DNAH11: variants seen among roughly 807,000 people sequenced by gnomAD.
The protein encoded by DNAH11 is axonemal beta dynein heavy chain 11.
In DNAH11, 442 loss-of-function variants were observed where a neutral mutation model predicts 526.0. The observed-to-expected ratio is 0.84, with a 90% CI of 0.78 to 0.91. DNAH11 has a LOEUF of 0.91. DNAH11 is among the 40% of genes least tolerant of loss of function. The probability of loss-of-function intolerance (pLI) is 0.00; values close to 1 mark genes in which losing one functional copy is unlikely to be tolerated. For synonymous variants in DNAH11, 2,461 were observed against 1,935.9 expected (o/e 1.27, Z -7.12); for missense variants, 6,989 against 5,448.7 (o/e 1.28, Z -8.90).
intron 63 of DNAH11, among the ~76,000 whole-genome samples, chr7:21,815,923 C>T (rs932929709): frequency 6.6e-6 from 1 of 152,086 alleles, no homozygotes; most frequent in Non-Finnish European, 1.5e-5. Flanking sequence ...ATAATTTCCT[C>T]TCAGCCTAGA....
At chr7:21,800,623 T>C (rs1169323152) in intron 61 of DNAH11, among the ~76,000 whole-genome samples, 1 of 151,810 alleles carries the variant, frequency 6.6e-6, no homozygotes, top group Non-Finnish European at 1.5e-5. Flanking sequence ...AGAGCAATAC[T>C]CATTCCAAAA....
chr7:21,550,433 T>C (rs1782977661), intron 2 of DNAH11, among the ~76,000 whole-genome samples: 1 of 152,168 alleles, frequency 6.6e-6, no homozygotes. Context: ...GTTTCCATAG[T>C]AGGGAGATGT....
intron 28 of DNAH11, among the ~76,000 whole-genome samples, chr7:21,641,822 G>T (rs191470929): frequency 4.6e-5 from 7 of 152,114 alleles, no homozygotes; most frequent in Non-Finnish European, 1.0e-4. Flanking sequence ...TTAACTACGC[G>T]TTCTAAATCC....
chr7:21,796,808 A>C (rs58818794), intron 61 of DNAH11, among the ~76,000 whole-genome samples: 1,841 of 152,364 alleles, frequency 0.012, 41 homozygotes, highest in African/African-American at 0.041. Flanking sequence ...CTGAGACTTA[A>C]CGAACTGATC....
chr7:21,900,398 C>T (rs1245639456), intron 81 of DNAH11, among the ~76,000 whole-genome samples: 4 of 152,168 alleles, frequency 2.6e-5, no homozygotes. Context: ...ACTGAATTTA[C>T]ATTCTTTTTG....
At position 21,826,143 on chromosome 7, in the gene DNAH11, G is replaced by A. The variant is rs551838018; in HGVS notation, c.10691+7804G>A. On this transcript the variant is annotated intron_variant, in intron 65 of 81. Transcript: ENST00000409508. ...CAATATATCCAGGTGACAAAGCTGCGCTTGTACCCCATAAATCTATAAAAG... is the reference window on the plus strand; with the variant it reads ...CAATATATCCAGGTGACAAAGCTGCACTTGTACCCCATAAATCTATAAAAG... Among the ~76,000 whole-genome samples, 10 of 152,064 alleles carry A rather than the reference G, an allele frequency of 6.6e-5. No individual in the cohort carries two copies. The South Asian group carries it at 1.2e-3, about 19-fold the overall frequency.
At chr7:21,819,485 ATATAAT>A (rs1211706014) in intron 65 of DNAH11, among the ~76,000 whole-genome samples, 2 of 152,202 alleles carry the variant, frequency 1.3e-5, no homozygotes, top group Non-Finnish European at 2.9e-5. Context: ...CTTAACATAA[ATATAAT>A]TGTAGCTGTG....
At chr7:21,595,162 C>A (rs766522701) in intron 14 of DNAH11, among the ~76,000 whole-genome samples, 8 of 152,172 alleles carry the variant, frequency 5.3e-5, no homozygotes, top group Admixed American at 1.3e-4. Context: ...CTGGCAAGGC[C>A]CCTCTTCTAG....
At chr7:21,763,945 A>C (rs1318007762) in intron 54 of DNAH11, among the ~76,000 whole-genome samples, 1 of 151,966 alleles carries the variant, frequency 6.6e-6, no homozygotes, top group East Asian at 1.9e-4. Flanking sequence ...ACAGAAGGAC[A>C]ATTACTATGT....
In DNAH11 at chr7:21,842,430, A is replaced by G. The variant is rs1782240987; in HGVS notation, c.10692-114A>G. 1.3e-5 allele frequency: 11 copies of G among 845,928 alleles called. No homozygotes were observed. In the South Asian group the frequency reaches 1.4e-4, roughly 11 times the overall value. The allele number at this position is 845,928 out of a possible 1,614,324, so 52.4% of individuals were successfully genotyped here. A position where few individuals can be genotyped will look rare whatever the true frequency, so the allele number is the denominator to read the frequency against. On this transcript the variant is annotated intron_variant, in intron 65 of 81. Coordinates refer to ENST00000409508, the MANE Select transcript of DNAH11 (RefSeq NM_001277115.2). ...TTTGGGAGTAGCTGAAAAATTCTCAATCACCTGAGCTTCTGGCCAAGGTCC... is the reference window on the plus strand; with the variant it reads ...TTTGGGAGTAGCTGAAAAATTCTCAGTCACCTGAGCTTCTGGCCAAGGTCC...
At chr7:21,628,873 C>T (rs1344282017) in intron 25 of DNAH11, among the ~76,000 whole-genome samples, 3 of 152,044 alleles carry the variant, frequency 2.0e-5, no homozygotes, top group Admixed American at 6.6e-5. Flanking sequence ...TGTTGATCTT[C>T]TGTATTTTTT....
chr7:21,760,100 C>G (rs56946847), intron 54 of DNAH11, among the ~76,000 whole-genome samples: 1,641 of 147,064 alleles, frequency 0.011, 31 homozygotes, highest in African/African-American at 0.038. Context: ...TGCTCACTTG[C>G]AATTGTCAAG....
chr7:21,709,486 C>G (rs12667433), intron 40 of DNAH11, among the ~76,000 whole-genome samples: 53 of 152,204 alleles, frequency 3.5e-4, no homozygotes, highest in African/African-American at 1.2e-3. Context: ...TGCTTACTAC[C>G]TGGACGATGG....
intron 30 of DNAH11, among the ~76,000 whole-genome samples, chr7:21,666,270 T>C (rs959770552): frequency 2.8e-5 from 4 of 143,164 alleles, no homozygotes; most frequent in African/African-American, 1.2e-4. Flanking sequence ...TCAGAGTCTT[T>C]GAAAAAAGTG....
chr7:21,622,375 G>A (rs894193198), intron 25 of DNAH11, among the ~76,000 whole-genome samples: 4 of 152,168 alleles, frequency 2.6e-5, no homozygotes, highest in Non-Finnish European at 5.9e-5. Context: ...AATCAATATT[G>A]TGAAAATGGC....
chr7:21,760,849 C>T (rs1367322764), intron 54 of DNAH11, among the ~76,000 whole-genome samples: 2 of 110,806 alleles, frequency 1.8e-5, no homozygotes, highest in Non-Finnish European at 4.1e-5. Flanking sequence ...AGATATTAAC[C>T]AACAGCCCCT....
intron 62 of DNAH11, among the ~76,000 whole-genome samples, chr7:21,802,716 A>G (rs1210608606): frequency 6.6e-6 from 1 of 152,086 alleles, no homozygotes. Flanking sequence ...ACAAAAGGCC[A>G]CATATCACAT....
chr7:21,584,478 G>A (rs1401669978), intron 9 of DNAH11, among the ~76,000 whole-genome samples: 3 of 152,134 alleles, frequency 2.0e-5, no homozygotes, highest in Admixed American at 2.0e-4. Flanking sequence ...ACCCAATGTA[G>A]ATGATGGGTT....
intron 22 of DNAH11, 131 bp from the exon 23 acceptor site, chr7:21,617,488 G>T: frequency 9.4e-7 from 1 of 1,067,014 alleles, no homozygotes; most frequent in Non-Finnish European, 1.3e-6. Context: ...TTTGCTCCTT[G>T]GTCTAGGAGT....
Sources: gnomAD v4.1 joint callset for allele counts (sites outside exome capture counted in the v4.1 genomes callset) on GRCh38, gnomAD v4.1.1 for gene constraint, MANE v1.5 for transcripts, NCBI Gene and HGNC (gene_info 2026-07-23, HGNC 2026-07-21) for gene names.